The following TNRC18 variants were observed in gnomAD, a reference collection of about 807,000 sequenced individuals.
TNRC18 encodes trinucleotide repeat-containing gene 18 protein.
In TNRC18, 69 loss-of-function variants were observed where a neutral mutation model predicts 226.7. That is an observed-to-expected ratio of 0.30 (90% CI 0.25 to 0.37). The LOEUF is 0.37. Among genes scored for constraint, TNRC18 ranks in the 10% least tolerant of loss-of-function variants. The pLI is 1.00. For synonymous variants in TNRC18, 2,449 were observed against 1,927.6 expected, an observed-to-expected ratio of 1.27 and a Z score of -7.09; for missense variants, 4,754 against 4,256.6, an observed-to-expected ratio of 1.12 and a Z score of -3.25.
At chr7:5,381,558 G>A (rs188065903) in intron 5 of TNRC18, among the ~76,000 whole-genome samples, 32 of 152,158 alleles carry the variant, frequency 2.1e-4, no homozygotes, top group African/African-American at 6.3e-4. Context: ...CTGTGTCCTC[G>A]AGGCTGCAGT....
At position 5,313,269 on chromosome 7, in the gene TNRC18, G is replaced by C. The variant is rs1320985008; in HGVS notation, c.7622C>G (p.Pro2541Arg). 2 of 1,548,708 alleles carry C rather than the reference G, an allele frequency of 1.3e-6. No homozygotes were observed. The highest frequency in any genetic ancestry group is 2.4e-5 in the South Asian group (2 of 83,974). The change falls in exon 27 of 30, where the codon CCC becomes CGC. Residue 2541 changes from proline (P) to arginine (R), a missense_variant. By Grantham distance (103) the Pro-to-Arg change is moderately radical (BLOSUM62 -2). Coordinates refer to ENST00000430969, the MANE Select transcript of TNRC18 (RefSeq NM_001080495.3). ...PGLTFEDSGN[P>R]KSPDKAQAEQ... ...AGCCTGGGCCTTGTCTGGGCTCTTG[G>C]GGTTCCCAGAGTCCTCGAACGTGAG...
intron 11 of TNRC18, among the ~76,000 whole-genome samples, chr7:5,366,295 T>A (rs1793609729): frequency 6.7e-6 from 1 of 150,356 alleles, no homozygotes; most frequent in Non-Finnish European, 1.5e-5. Flanking sequence ...TAGTTGAGAA[T>A]GCTTGTTTTG....
chr7:5,343,377 A>G (rs1389757980), intron 18 of TNRC18, among the ~76,000 whole-genome samples: 1 of 152,092 alleles, frequency 6.6e-6, no homozygotes, highest in African/African-American at 2.4e-5. Context: ...ACATAATACT[A>G]TTGCACACTT....
Position 5,375,321 on chromosome 7 carries a change from A to AAAACAAAC in TNRC18, c.2799+705_2799+712dup, listed in dbSNP as rs71827731. 4.0e-5 allele frequency among the ~76,000 whole-genome samples: 6 copies of AAAACAAAC among 151,596 alleles called. No individual in the cohort carries two copies. In the Admixed American group the frequency reaches 4.0e-4, roughly 10 times the overall value. On this transcript the variant is annotated intron_variant, in intron 9 of 29. Coordinates refer to ENST00000430969, the MANE Select transcript of TNRC18 (RefSeq NM_001080495.3). ...AAGACTCCACCTCAAAAAAACAACAAAAACAAACAAACAAACAAACACCAG... is the reference window on the plus strand; with the variant it reads ...AAGACTCCACCTCAAAAAAACAACAAAAACAAACAAACAAACAAACAAACAAACACCAG...
chr7:5,371,994 T>C (rs1318757819), intron 10 of TNRC18, among the ~76,000 whole-genome samples: 2 of 152,058 alleles, frequency 1.3e-5, no homozygotes, highest in Admixed American at 1.3e-4. Context: ...ACCTCTTGGA[T>C]TCCAACGAAT....
Position 5,389,224 on chromosome 7 carries a change from C to T in TNRC18, c.600G>A (p.Ser200=), listed in dbSNP as rs1227692932. 2.2e-6 allele frequency: 3 copies of T among 1,337,268 alleles called. No homozygotes were observed. The highest frequency in any genetic ancestry group is 3.8e-5 in the Admixed American group (1 of 26,616). 82.8% of individuals were successfully genotyped at this position (1,337,268 alleles called of 1,614,324 possible). ...GCTCCTTGGCTGGACCGTCCCGCGA[C>T]GACGAGCCTTTGGCCGGGGCGCCCG... ...HSSGAPAKGS[S]SRDGPAKERA... The change falls in exon 5 of 30, where the codon TCG becomes TCA. Residue 200 remains serine, a synonymous_variant. Transcript: ENST00000430969.
At chr7:5,364,461 AAACACACACACACACACACAC>A (rs1453326387) in intron 11 of TNRC18, among the ~76,000 whole-genome samples, 9 of 124,972 alleles carry the variant, frequency 7.2e-5, no homozygotes, top group South Asian at 5.7e-4. Flanking sequence ...GTCTCAAAGA[AAACACACACACACACACACAC>A]ACACACACAC....
intron 2 of TNRC18, among the ~76,000 whole-genome samples, chr7:5,395,719 C>T (rs1219375850): frequency 6.6e-6 from 1 of 152,234 alleles, no homozygotes; most frequent in Non-Finnish European, 1.5e-5. Flanking sequence ...AGGCCGAACA[C>T]GGTGGCTCAA....
chr7:5,344,156 A>C (rs542403705), intron 18 of TNRC18, among the ~76,000 whole-genome samples: 107 of 152,352 alleles, frequency 7.0e-4, no homozygotes, highest in East Asian at 6.6e-3. Context: ...GGGTGTATGA[A>C]TAGCAAGTGT....
At chr7:5,417,975 CCCTT>C (rs1362434395) in intron 2 of TNRC18, among the ~76,000 whole-genome samples, 2 of 152,122 alleles carry the variant, frequency 1.3e-5, no homozygotes, top group Non-Finnish European at 2.9e-5. Flanking sequence ...CCAAGCCCCT[CCCTT>C]GTTAGCCAAG....
rs1051585953 is a variant in TNRC18, at chr7:5,310,962, G to A, written c.8388+1541C>T. ...TGTGCACGTGTTTGTGTGTGTGCAC[G>A]TGTACTCGTGTGCATGCACGTGCAT... is the stretch of plus-strand genomic sequence containing the variant. On this transcript the variant is annotated intron_variant, in intron 27 of 29. Transcript: ENST00000430969. Among the ~76,000 whole-genome samples the A allele has an allele frequency of 3.9e-5, 6 of 152,350 alleles. No individual in the cohort carries two copies. The East Asian group carries it at 5.8e-4, about 15-fold the overall frequency.
At chr7:5,403,658 G>T (rs962922866) in intron 2 of TNRC18, among the ~76,000 whole-genome samples, 6 of 152,030 alleles carry the variant, frequency 3.9e-5, no homozygotes, top group African/African-American at 1.4e-4. Context: ...CAGGCTTAGT[G>T]GTGTACACCT....
At position 5,309,638 on chromosome 7, in the gene TNRC18, T is replaced by G. The variant is rs1786984133; in HGVS notation, c.8389-270A>C. ...TTATTTTTGAGACAGGGTCTCCCTC[T>G]GTTGCCCAGGCTGGAGCGCAGTGGC... is the stretch of plus-strand genomic sequence containing the variant. On this transcript the variant is annotated intron_variant, in intron 27 of 29. Coordinates refer to ENST00000430969, the MANE Select transcript of TNRC18 (RefSeq NM_001080495.3). The surrounding 1 kb of genome is among the most constrained non-coding windows in gnomAD (Gnocchi z 5.7). Among the ~76,000 whole-genome samples, 1 of 152,382 alleles carries G rather than the reference T, an allele frequency of 6.6e-6. No homozygotes were observed. Among genetic ancestry groups the G allele is most frequent in the Middle Eastern group, 3.4e-3 (1 of 294 alleles).
chr7:5,385,713 C>T (rs962354120), intron 5 of TNRC18, among the ~76,000 whole-genome samples: 18 of 150,578 alleles, frequency 1.2e-4, no homozygotes, highest in Admixed American at 2.7e-4. Context: ...GTGGCTCACA[C>T]CTATAATCCC....
At chr7:5,406,392 G>A (rs542483725) in intron 2 of TNRC18, among the ~76,000 whole-genome samples, 64 of 152,274 alleles carry the variant, frequency 4.2e-4, no homozygotes, top group Non-Finnish European at 8.5e-4. Flanking sequence ...AACCCAAAAG[G>A]CGGAGGTTGC....
chr7:5,384,758 C>A (rs968806359), intron 5 of TNRC18, among the ~76,000 whole-genome samples: 1 of 152,196 alleles, frequency 6.6e-6, no homozygotes, highest in Non-Finnish European at 1.5e-5. Flanking sequence ...CCAATCCAAG[C>A]GCTGTTGGCC....
intron 18 of TNRC18, among the ~76,000 whole-genome samples, chr7:5,339,229 C>CTTTTTTTTTTTTTTTTTTTTTTTTTTTTT (rs199794938): frequency 7.0e-6 from 1 of 142,600 alleles, no homozygotes; most frequent in Admixed American, 7.0e-5. Context: ...CTTTTTTTTT[C>CTTTTTTTTTTTTTTTTTTTTTTTTTTTTT]TTTTTTTTTT....
rs542804669 is a variant in TNRC18, at chr7:5,359,671, C to T, written c.4662-102G>A. ...GAAGGGTTGGGCTCTGGACCCTGAG[C>T]GTGGACAGTGATGGCAGAGTGACGG... On this transcript the variant is annotated intron_variant, in intron 14 of 29. Coordinates refer to ENST00000430969, the MANE Select transcript of TNRC18 (RefSeq NM_001080495.3). 61 of 1,348,902 alleles carry T rather than the reference C, an allele frequency of 4.5e-5. No individual in the cohort carries two copies. The Admixed American group carries it at 9.3e-4, about 21-fold the overall frequency. The allele number at this position is 1,348,902 out of a possible 1,614,324, so 83.6% of individuals were successfully genotyped here.
intron 2 of TNRC18, among the ~76,000 whole-genome samples, chr7:5,415,081 C>G (rs1360235683): frequency 6.6e-6 from 1 of 152,164 alleles, no homozygotes; most frequent in Non-Finnish European, 1.5e-5. Context: ...CCTCCTCATT[C>G]CTCAGTTTAA....
Sources: gnomAD v4.1 joint callset for allele counts (sites outside exome capture counted in the v4.1 genomes callset) on GRCh38, gnomAD v4.1.1 for gene constraint, Gnocchi (gnomAD v3.1) non-coding constraint, MANE v1.5 for transcripts, NCBI Gene and HGNC (gene_info 2026-07-23, HGNC 2026-07-21) for gene names.